Variants in BMP2 observed in about 807,000 individuals in gnomAD.
The protein encoded by BMP2 is bone morphogenetic protein 2A.
BMP2 carries 2 observed loss-of-function variants against 28.8 expected under a neutral mutation model. That is an observed-to-expected ratio of 0.07 (90% CI 0.03 to 0.22). BMP2 has a LOEUF of 0.22. Ranked by LOEUF, BMP2 falls within the 10% of genes least tolerant of loss-of-function variation. The probability of loss-of-function intolerance (pLI) is 1.00; values close to 1 mark genes in which losing one functional copy is unlikely to be tolerated. For missense variants in BMP2, 437 were observed against 517.7 expected, an observed-to-expected ratio of 0.84 and a Z score of 1.51; for synonymous variants, 218 against 204.3, an observed-to-expected ratio of 1.07 and a Z score of -0.57.
chr20:6,772,616 G>A (rs1415682076), intron 2 of BMP2, among the ~76,000 whole-genome samples: 1 of 152,158 alleles, frequency 6.6e-6, no homozygotes, highest in African/African-American at 2.4e-5. Context: ...CAGCATTAAT[G>A]AGCATTTATT....
Position 6,768,695 on chromosome 20 carries a change from C to A in BMP2, c.-188C>A, listed in dbSNP as rs1050867033. On this transcript the variant is annotated 5_prime_UTR_variant, in exon 1 of 3. Transcript: ENST00000378827. Reference sequence around the variant, plus strand: ...TCCTCGGCCTTGCCCGACACTGAGACGCTGTTCCCAGCGTGAAAAGAGAGA... The same window carrying A: ...TCCTCGGCCTTGCCCGACACTGAGAAGCTGTTCCCAGCGTGAAAAGAGAGA... The A allele has an allele frequency of 5.0e-5, 20 of 396,714 alleles. No homozygotes were observed. Among genetic ancestry groups the A allele is most frequent in the Non-Finnish European group, 8.0e-5 (18 of 225,266 alleles). 24.6% of individuals were successfully genotyped at this position (396,714 alleles called of 1,614,324 possible). A position where few individuals can be genotyped will look rare whatever the true frequency, so the allele number is the denominator to read the frequency against.
At position 6,778,698 on chromosome 20, in the gene BMP2, T is replaced by C. The variant is rs749429499; in HGVS notation, c.800T>C (p.Phe267Ser). Residue 267 changes from phenylalanine to serine, a missense_variant, in exon 3 of 3, where the codon TTT becomes TCT. By Grantham distance (155) the Phe-to-Ser change is radical. Coordinates refer to ENST00000378827, the MANE Select transcript of BMP2 (RefSeq NM_001200.4). The surrounding 1 kb of genome is among the most constrained non-coding windows in gnomAD (Gnocchi z 5.0). ...CAGATAAGGCCATTGCTAGTAACTT[T>C]TGGCCATGATGGAAAAGGGCATCCT... ...WSQIRPLLVT[F>S]GHDGKGHPLH... 2 of 1,614,024 alleles carry C rather than the reference T, an allele frequency of 1.2e-6. No homozygotes were observed. Among genetic ancestry groups the C allele is most frequent in the African/African-American group, 2.7e-5 (2 of 74,916 alleles).
rs374592377 is a variant in BMP2, at chr20:6,770,449, C to T, written c.323C>T (p.Thr108Ile). The T allele has an allele frequency of 9.9e-5, 159 of 1,599,782 alleles. No individual in the cohort carries two copies. The highest frequency in any genetic ancestry group is 1.3e-4 in the Non-Finnish European group (158 of 1,170,538). Reference protein sequence around the residue: ...RLERAASRANTVRSFHHEESL... With the variant: ...RLERAASRANIVRSFHHEESL... ...GAGAGGGCAGCCAGCCGAGCCAACACTGTGCGCAGCTTCCACCATGAAGGT... is the reference window on the plus strand; with the variant it reads ...GAGAGGGCAGCCAGCCGAGCCAACATTGTGCGCAGCTTCCACCATGAAGGT... Residue 108 changes from threonine (T) to isoleucine (I), a missense_variant, in exon 2 of 3, where the codon ACT (threonine) becomes ATT (isoleucine). By Grantham distance (89) the Thr-to-Ile change is moderately conservative. Coordinates refer to ENST00000378827, the MANE Select transcript of BMP2 (RefSeq NM_001200.4).
rs931242122 is a variant in BMP2 at position 6,778,144 on chromosome 20, G to A, written c.347-101G>A. 4.7e-6 allele frequency: 7 copies of A among 1,483,412 alleles called. No homozygotes were observed. The highest frequency in any genetic ancestry group is 5.4e-6 in the Non-Finnish European group (6 of 1,111,238). 91.9% of individuals were successfully genotyped at this position (1,483,412 alleles called of 1,614,324 possible). A position where few individuals can be genotyped will look rare whatever the true frequency, so the allele number is the denominator to read the frequency against. On this transcript the variant is annotated intron_variant, in intron 2 of 2. Transcript: ENST00000378827. This position sits in a 1 kb window ranked among gnomAD's most constrained non-coding sequence, Gnocchi z 5.0. Reference sequence around the variant, plus strand: ...TTACATGGGTTACATCAAATCCCACGATGAGGTTTAAAAATTCTCATAGAT... The same window carrying A: ...TTACATGGGTTACATCAAATCCCACAATGAGGTTTAAAAATTCTCATAGAT...
chr20:6,773,732 A>T (rs1304552981), intron 2 of BMP2, among the ~76,000 whole-genome samples: 1 of 151,774 alleles, frequency 6.6e-6, no homozygotes, highest in East Asian at 1.9e-4. Flanking sequence ...TTTGTATTTG[A>T]TATTTTTTTT....
Position 6,770,236 on chromosome 20 carries a change from C to G in BMP2, c.110C>G (p.Ser37Trp). Residue 37 changes from serine to tryptophan, a missense_variant, in exon 2 of 3, where the codon TCG becomes TGG. Physicochemically the swap from Ser to Trp is radical, Grantham distance 177. Transcript: ENST00000378827. ...GGCCGCAGGAAGTTCGCGGCGGCGT[C>G]GTCGGGCCGCCCCTCATCCCAGCCC... is the stretch of plus-strand genomic sequence containing the variant. ...ELGRRKFAAA[S>W]SGRPSSQPSD... 2 of 1,604,858 alleles carry G rather than the reference C, an allele frequency of 1.2e-6. No homozygotes were observed. The highest frequency in any genetic ancestry group is 1.7e-6 in the Non-Finnish European group (2 of 1,176,170).
At chr20:6,771,244 G>A (rs555485559) in intron 2 of BMP2, among the ~76,000 whole-genome samples, 2 of 151,626 alleles carry the variant, frequency 1.3e-5, no homozygotes, top group African/African-American at 4.8e-5. Flanking sequence ...GGATATTTCT[G>A]CTTGTTTCAT....
At chr20:6,769,839 T>C (rs1054702654) in intron 1 of BMP2, among the ~76,000 whole-genome samples, 2 of 152,104 alleles carry the variant, frequency 1.3e-5, no homozygotes, top group Admixed American at 6.5e-5. Flanking sequence ...GTGACAGTCA[T>C]TGGCGCTGGT....
In BMP2 at chr20:6,767,718, C is replaced by G. The variant is rs1024924878; in HGVS notation, c.-1165C>G. 1 of 157,980 alleles carries G rather than the reference C, an allele frequency of 6.3e-6. No individual in the cohort carries two copies. The highest frequency in any genetic ancestry group is 1.4e-5 in the Non-Finnish European group (1 of 72,642). The allele number at this position is 157,980 out of a possible 1,614,324, so 9.8% of individuals were successfully genotyped here. A position where few individuals can be genotyped will look rare whatever the true frequency, so the allele number is the denominator to read the frequency against. On this transcript the variant is annotated 5_prime_UTR_variant, in exon 1 of 3. Transcript: ENST00000378827. ...CCGCCGTCGCCGCCGCCGGAGTCCTCGCCCCGCCGCGCTGCGCCCGGCTCG... is the reference window on the plus strand; with the variant it reads ...CCGCCGTCGCCGCCGCCGGAGTCCTGGCCCCGCCGCGCTGCGCCCGGCTCG...
intron 2 of BMP2, 85 bp downstream of exon 2, chr20:6,770,557 GCAGCTTGGCCGGGGCAC>G: frequency 7.3e-7 from 1 of 1,366,290 alleles, no homozygotes; most frequent in Non-Finnish European, 9.8e-7. Context: ...CCCTGTAGAG[GCAGCTTGGCCGGGGCAC>G]CAGCGGACGT....
At chr20:6,776,707 T>A (rs1477726354) in intron 2 of BMP2, among the ~76,000 whole-genome samples, 1 of 152,222 alleles carries the variant, frequency 6.6e-6, no homozygotes, top group Non-Finnish European at 1.5e-5. Flanking sequence ...AGCACTGCAT[T>A]AAAGCGTTAG....
chr20:6,775,793 G>A (rs992866781), intron 2 of BMP2, among the ~76,000 whole-genome samples: 1 of 152,114 alleles, frequency 6.6e-6, no homozygotes, highest in Non-Finnish European at 1.5e-5. Flanking sequence ...GGCCATGTGG[G>A]TGTGTACGTG....
Position 6,779,340 on chromosome 20 carries a change from C to A in BMP2, c.*251C>A. 6.3e-6 allele frequency: 1 copy of A among 159,596 alleles called. No homozygotes were observed. The highest frequency in any genetic ancestry group is 1.4e-5 in the Non-Finnish European group (1 of 73,260). 9.9% of individuals were successfully genotyped at this position (159,596 alleles called of 1,614,324 possible). On this transcript the variant is annotated 3_prime_UTR_variant, in exon 3 of 3. Transcript: ENST00000378827. ...AAGATTTAAAATGTATTTAGTTGTA[C>A]ATTTTATATGGGTTCAACCCCAGCA...
In BMP2 at chr20:6,778,924, T is replaced by C. The variant is rs1268114910; in HGVS notation, c.1026T>C (p.His342=). Residue 342 remains histidine (H), a synonymous_variant, in exon 3 of 3, where the codon CAT becomes CAC. Coordinates refer to ENST00000378827, the MANE Select transcript of BMP2 (RefSeq NM_001200.4). This position sits in a 1 kb window ranked among gnomAD's most constrained non-coding sequence, Gnocchi z 5.0. ...PLADHLNSTN[H]AIVQTLVNSV... ...CTGATCATCTGAACTCCACTAATCA[T>C]GCCATTGTTCAGACGTTGGTCAACT... 1.9e-6 allele frequency: 3 copies of C among 1,613,924 alleles called. No homozygotes were observed. Among genetic ancestry groups the C allele is most frequent in the Non-Finnish European group, 2.5e-6 (3 of 1,180,020 alleles).
chr20:6,769,295 T>G (rs1986335489), intron 1 of BMP2, among the ~76,000 whole-genome samples: 1 of 152,146 alleles, frequency 6.6e-6, no homozygotes, highest in African/African-American at 2.4e-5. Flanking sequence ...TCCGGGAGAC[T>G]TGGTTTCTTT....
At position 6,768,797 on chromosome 20, in the gene BMP2, A is replaced by G. The variant is rs1287151901; in HGVS notation, c.-86A>G. ...TTCGGTCCTTGCGCCAGGTCCTTTGACCAGAGTTTTTCCATGTGGACGCTC... is the reference window on the plus strand; with the variant it reads ...TTCGGTCCTTGCGCCAGGTCCTTTGGCCAGAGTTTTTCCATGTGGACGCTC... On this transcript the variant is annotated 5_prime_UTR_variant, in exon 1 of 3. Coordinates refer to ENST00000378827, the MANE Select transcript of BMP2 (RefSeq NM_001200.4). 1 of 397,678 alleles carries G rather than the reference A, an allele frequency of 2.5e-6. No individual in the cohort carries two copies. The highest frequency in any genetic ancestry group is 4.4e-6 in the Non-Finnish European group (1 of 225,656). 24.6% of individuals were successfully genotyped at this position (397,678 alleles called of 1,614,324 possible). A position where few individuals can be genotyped will look rare whatever the true frequency, so the allele number is the denominator to read the frequency against.
chr20:6,769,633 G>GTGTGTGTGTT (rs1555785665), intron 1 of BMP2, among the ~76,000 whole-genome samples: 1,553 of 151,244 alleles, frequency 0.01, 31 homozygotes, highest in African/African-American at 0.03. Flanking sequence ...GTGTGTGTGT[G>GTGTGTGTGTT]TGTGTGTGTG....
At chr20:6,774,731 C>T (rs1986465577) in intron 2 of BMP2, among the ~76,000 whole-genome samples, 1 of 152,076 alleles carries the variant, frequency 6.6e-6, no homozygotes. Context: ...TCATATAAAG[C>T]TGATGGTGCC....
chr20:6,777,590 T>G (rs1261192529), intron 2 of BMP2, among the ~76,000 whole-genome samples: 1 of 152,190 alleles, frequency 6.6e-6, no homozygotes, highest in Non-Finnish European at 1.5e-5. Context: ...TACTACAGTG[T>G]CCTAGTACCA....
Sources: gnomAD v4.1 joint callset for allele counts (sites outside exome capture counted in the v4.1 genomes callset) on GRCh38, gnomAD v4.1.1 for gene constraint, Gnocchi (gnomAD v3.1) non-coding constraint, MANE v1.5 for transcripts, NCBI Gene and HGNC (gene_info 2026-07-23, HGNC 2026-07-21) for gene names.